The following UBR3 variants were observed in gnomAD, a reference collection of about 807,000 sequenced individuals.
UBR3 encodes the protein E3 ubiquitin-protein ligase UBR3.
UBR3 carries 85 observed loss-of-function variants against 243.2 expected under a neutral mutation model. That is an observed-to-expected ratio of 0.35 (90% confidence interval 0.29 to 0.42). UBR3 has a LOEUF of 0.42. Among genes scored for constraint, UBR3 ranks in the 10% least tolerant of loss-of-function variants. UBR3 has a pLI of 1.00. For synonymous variants in UBR3, 748 were observed against 799.8 expected, an observed-to-expected ratio of 0.94 and a Z score of 1.09; for missense variants, 1,686 against 2,300.8, an observed-to-expected ratio of 0.73 and a Z score of 5.47.
chr2:170,062,254 G>A (rs2105447772), intron 35 of UBR3, among the ~76,000 whole-genome samples: 1 of 152,290 alleles, frequency 6.6e-6, no homozygotes, highest in East Asian at 1.9e-4. Context: ...CAGAAGGTAA[G>A]TAAACCCAAA....
At chr2:169,885,939 C>T (rs986618260) in intron 5 of UBR3, among the ~76,000 whole-genome samples, 1 of 151,970 alleles carries the variant, frequency 6.6e-6, no homozygotes, top group Non-Finnish European at 1.5e-5. Flanking sequence ...GTGGGCGATC[C>T]CTAGGTCAGG....
At chr2:170,062,727 A>C (rs1035632486) in intron 35 of UBR3, among the ~76,000 whole-genome samples, 27 of 152,222 alleles carry the variant, frequency 1.8e-4, no homozygotes, top group African/African-American at 6.0e-4. Flanking sequence ...TTGTTACCTT[A>C]TGGCTTATTT....
Position 169,928,775 on chromosome 2 carries a change from A to T in UBR3, c.2473A>T (p.Ser825Cys). Residue 825 changes from serine to cysteine, a missense_variant, in exon 18 of 39, where the codon AGC (serine) becomes TGC (cysteine). By Grantham distance (112) the Ser-to-Cys change is moderately radical (BLOSUM62 -1). Around this residue, in one of 8 missense-constraint regions of UBR3, gnomAD observed 346 missense variants for 585.8 expected, o/e 0.59. Transcript: ENST00000272793. ...AAGTGGCATTATTCCAGGCAGTTAC[A>T]GCTTTGAATCAGTTTTATCAGCTGT... ...PKSGIIPGSYSFESVLSAVAD... is the reference protein window; with the variant it reads ...PKSGIIPGSYCFESVLSAVAD... 6.6e-7 allele frequency: 1 copy of T among 1,509,988 alleles called. No individual in the cohort carries two copies. The highest frequency in any genetic ancestry group is 8.9e-7 in the Non-Finnish European group (1 of 1,117,450). The allele number at this position is 1,509,988 out of a possible 1,614,324, so 93.5% of individuals were successfully genotyped here. A position where few individuals can be genotyped will look rare whatever the true frequency, so the allele number is the denominator to read the frequency against.
At chr2:170,029,643 G>A (rs1025741284) in intron 31 of UBR3, among the ~76,000 whole-genome samples, 195 bp downstream of exon 31, 1 of 152,034 alleles carries the variant, frequency 6.6e-6, no homozygotes, top group African/African-American at 2.4e-5. Flanking sequence ...TTCCCACCAT[G>A]TGAGAAAATC....
At chr2:170,061,473 CTT>C (rs35032863) in intron 35 of UBR3, 30 bp downstream of exon 35, 241,156 of 1,253,044 alleles carry the variant, frequency 0.19, 16,557 homozygotes, top group Admixed American at 0.31. Flanking sequence ...TAAGAGGGAG[CTT>C]TTTTTTTTTT....
At chr2:169,997,737 A>G (rs2089549239) in intron 26 of UBR3, among the ~76,000 whole-genome samples, 1 of 152,022 alleles carries the variant, frequency 6.6e-6, no homozygotes, top group Non-Finnish European at 1.5e-5. Flanking sequence ...CAACAACAAG[A>G]GGGGACCTGA....
rs1179498100 is a variant in UBR3 at position 170,036,390 on chromosome 2, G to C, written c.4557-4492G>C. Among the ~76,000 whole-genome samples, 5 of 151,962 alleles carry C rather than the reference G, an allele frequency of 3.3e-5. No individual in the cohort carries two copies. In the East Asian group the frequency reaches 9.6e-4, roughly 29 times the overall value. On this transcript the variant is annotated intron_variant, in intron 31 of 38. Transcript: ENST00000272793. ...TGCATCAATCCATTCATTCATTCCA[G>C]TTATGGGCCAGTGATGTGCTAGGAA...
At position 169,841,547 on chromosome 2, in the gene UBR3, C is replaced by G. The variant is rs568347973; in HGVS notation, c.545+13495C>G. ...GAGGTGTGGAGGGAGAGGCACGAGC[C>G]GGAACTGGGGCTGCGTGCGGCGCTT... is the stretch of plus-strand genomic sequence containing the variant. On this transcript the variant is annotated intron_variant, in intron 1 of 38. Transcript: ENST00000272793. Among the ~76,000 whole-genome samples the G allele has an allele frequency of 8.1e-3, 1,227 of 152,328 alleles. 10 individuals carry two copies. Among genetic ancestry groups the G allele is most frequent in the African/African-American group, 0.027 (1,123 of 41,582 alleles).
Position 170,073,495 on chromosome 2 carries a change from A to T in UBR3, c.5087A>T (p.His1696Leu), listed in dbSNP as rs1250084234. The change falls in exon 36 of 39, where the codon CAT becomes CTT. Residue 1696 changes from histidine to leucine, a missense_variant. This residue lies in a region of UBR3 where 371 missense variants were observed against 422.5 expected (regional missense o/e 0.88). Coordinates refer to ENST00000272793, the MANE Select transcript of UBR3 (RefSeq NM_172070.4). ...CTGCCAACGTTTTACCAAACAGAAC[A>T]TCCATTCATCAGTGCCTCCTGTCTG... ...GLLPTFYQTE[H>L]PFISASCLDW... The T allele has an allele frequency of 2.5e-6, 4 of 1,613,830 alleles. No individual in the cohort carries two copies. Among genetic ancestry groups the T allele is most frequent in the Non-Finnish European group, 3.4e-6 (4 of 1,179,758 alleles).
intron 1 of UBR3, among the ~76,000 whole-genome samples, chr2:169,863,865 A>G (rs1209303941): frequency 6.6e-6 from 1 of 152,160 alleles, no homozygotes; most frequent in African/African-American, 2.4e-5. Context: ...CACACGAAGT[A>G]AAAATAGCAA....
At chr2:169,927,082 A>C in intron 16 of UBR3, 111 bp downstream of exon 16, 1 of 1,306,682 alleles carries the variant, frequency 7.7e-7, no homozygotes, top group South Asian at 1.5e-5. Context: ...AGATAAATGT[A>C]AACAATGTTT....
At chr2:170,068,612 C>G (rs2091630922) in intron 35 of UBR3, among the ~76,000 whole-genome samples, 1 of 152,024 alleles carries the variant, frequency 6.6e-6, no homozygotes, top group Non-Finnish European at 1.5e-5. Context: ...AAAATCAGAA[C>G]AGAAATCAGT....
rs184614051 is a variant in UBR3, at chr2:169,873,764, C to T, written c.685+1389C>T. ...ATTTGGTTTCAAATTACTGTCTCTT[C>T]GGAATGAAGGAACCAGTTACTAGCT... On this transcript the variant is annotated intron_variant, in intron 2 of 38. Coordinates refer to ENST00000272793, the MANE Select transcript of UBR3 (RefSeq NM_172070.4). Among the ~76,000 whole-genome samples the T allele has an allele frequency of 3.1e-4, 47 of 152,194 alleles. No individual in the cohort carries two copies. The South Asian group carries it at 8.3e-3, about 27-fold the overall frequency.
intron 23 of UBR3, among the ~76,000 whole-genome samples, chr2:169,951,853 G>A (rs1346026133): frequency 2.0e-5 from 3 of 152,134 alleles, no homozygotes; most frequent in Non-Finnish European, 4.4e-5. Flanking sequence ...TCAGTCATCA[G>A]GTTGATGTGA....
chr2:169,914,799 G>C (rs752099631), intron 11 of UBR3, among the ~76,000 whole-genome samples: 1 of 151,818 alleles, frequency 6.6e-6, no homozygotes, highest in Non-Finnish European at 1.5e-5. Flanking sequence ...ACACAGAACC[G>C]TTGCTGTGTG....
At chr2:169,898,127 T>C (rs1333795544) in intron 8 of UBR3, among the ~76,000 whole-genome samples, 1 of 152,164 alleles carries the variant, frequency 6.6e-6, no homozygotes, top group East Asian at 1.9e-4. Context: ...ACTTTAAAAA[T>C]AACAACAAAC....
rs773118397 is a variant in UBR3 at position 170,029,431 on chromosome 2, A to G, written c.4539A>G (p.Leu1513=). The G allele has an allele frequency of 6.2e-7, 1 of 1,609,996 alleles. No homozygotes were observed. Residue 1513 remains leucine, a synonymous_variant, in exon 31 of 39, where the codon TTA becomes TTG. Coordinates refer to ENST00000272793, the MANE Select transcript of UBR3 (RefSeq NM_172070.4). ...ATCCCTGGAGAAAGCTCACCCAGTT[A>G]GAAGAGATGAATCCACAGTAAGTAT... The part of the protein sequence containing the change: ...EYNPWRKLTQ[L]EEMNPQLGYE...
chr2:170,007,644 A>T lies in UBR3; in HGVS notation c.4230+454A>T, dbSNP rs1002952615. 2.0e-5 allele frequency among the ~76,000 whole-genome samples: 3 copies of T among 152,094 alleles called. No homozygotes were observed. In the East Asian group the frequency reaches 5.8e-4, roughly 29 times the overall value. On this transcript the variant is annotated intron_variant, in intron 28 of 38. Transcript: ENST00000272793. ...GTGGTGGCGCTGAGACAGACAGATC[A>T]CTTAAGGTCAGGAGTTTGAAACCAG...
At chr2:170,026,812 G>A (rs2090541263) in intron 30 of UBR3, among the ~76,000 whole-genome samples, 1 of 151,904 alleles carries the variant, frequency 6.6e-6, no homozygotes, top group Admixed American at 6.6e-5. Context: ...GCATGCAGTT[G>A]GTAGTTAATA....
Sources: gnomAD v4.1 joint callset for allele counts (sites outside exome capture counted in the v4.1 genomes callset) on GRCh38, gnomAD v4.1.1 for gene constraint, gnomAD v4.1.1 regional missense constraint, MANE v1.5 for transcripts, NCBI Gene and HGNC (gene_info 2026-07-23, HGNC 2026-07-21) for gene names.